The following VEPH1 variants were observed in gnomAD, a reference collection of about 807,000 sequenced individuals.
VEPH1 encodes ventricular zone expressed PH domain containing 1.
In VEPH1, 80 loss-of-function variants were observed where a neutral mutation model predicts 85.2. That is an observed-to-expected ratio of 0.94 (90% CI 0.78 to 1.13). The LOEUF (loss-of-function observed/expected upper bound fraction) is 1.13, where lower values mean the gene tolerates loss of function less well. VEPH1 is among the 50% of genes most tolerant of loss of function. The pLI, the probability that VEPH1 is intolerant of heterozygous loss-of-function variation, is 0.00. For synonymous variants in VEPH1, 297 were observed against 348.0 expected (o/e 0.85, Z 1.63); for missense variants, 955 against 980.5 (o/e 0.97, Z 0.35).
intron 9 of VEPH1, among the ~76,000 whole-genome samples, chr3:157,322,400 T>C (rs1721446981): frequency 6.6e-6 from 1 of 152,210 alleles, no homozygotes; most frequent in Admixed American, 6.5e-5. Context: ...TTGGCTACTG[T>C]GAATAATGCT....
chr3:157,362,092 G>A (rs1213041382), intron 9 of VEPH1, among the ~76,000 whole-genome samples: 1 of 151,904 alleles, frequency 6.6e-6, no homozygotes, highest in Non-Finnish European at 1.5e-5. Context: ...GTGCAGTGGT[G>A]CGATATCGGC....
chr3:157,344,590 GCC>G (rs1181108535), intron 9 of VEPH1, among the ~76,000 whole-genome samples: 1 of 152,112 alleles, frequency 6.6e-6, no homozygotes, highest in African/African-American at 2.4e-5. Flanking sequence ...CATGAAAATG[GCC>G]ATACTGCCCA....
chr3:157,365,424 C>T (rs1313431203), intron 7 of VEPH1, among the ~76,000 whole-genome samples: 1 of 152,150 alleles, frequency 6.6e-6, no homozygotes, highest in Admixed American at 6.5e-5. Context: ...ACTTTTGACA[C>T]CCAATATGTG....
chr3:157,502,862 A>G (rs911380940), intron 1 of VEPH1, among the ~76,000 whole-genome samples: 7 of 152,228 alleles, frequency 4.6e-5, no homozygotes, highest in African/African-American at 1.7e-4. Context: ...ATGATGCTAT[A>G]ATATTTAATT....
intron 12 of VEPH1, among the ~76,000 whole-genome samples, chr3:157,281,456 G>A (rs540359423): frequency 2.0e-5 from 3 of 152,228 alleles, no homozygotes; most frequent in Admixed American, 6.5e-5. Flanking sequence ...CACTTAGCAC[G>A]TAGGACAGTG....
chr3:157,265,380 C>G, intron 13 of VEPH1, 146 bp downstream of exon 13: 1 of 894,492 alleles, frequency 1.1e-6, no homozygotes, highest in Non-Finnish European at 1.6e-6. Flanking sequence ...AGACTAGACA[C>G]AGAAATGTGT....
In VEPH1 at chr3:157,425,757, G is replaced by A. The variant is rs191213277; in HGVS notation, c.696+2565C>T. ...GCTGAAATGAGTTAAAACTTTGGGG[G>A]ACTGCTGAGAAGGCATGGTTGGTTT... On this transcript the variant is annotated intron_variant, in intron 5 of 13. Coordinates refer to ENST00000362010, the MANE Select transcript of VEPH1 (RefSeq NM_001167912.2). 4.8e-3 allele frequency among the ~76,000 whole-genome samples: 729 copies of A among 152,256 alleles called. 3 individuals carry two copies. The highest frequency in any genetic ancestry group is 6.7e-3 in the Non-Finnish European group (454 of 68,014).
At chr3:157,308,911 T>C (rs1417198293) in intron 11 of VEPH1, among the ~76,000 whole-genome samples, 1 of 152,150 alleles carries the variant, frequency 6.6e-6, no homozygotes, top group Non-Finnish European at 1.5e-5. Flanking sequence ...AACTAATTGA[T>C]GTTAAATGAA....
At chr3:157,320,733 C>T (rs963110363) in intron 9 of VEPH1, among the ~76,000 whole-genome samples, 1 of 151,774 alleles carries the variant, frequency 6.6e-6, no homozygotes, top group Non-Finnish European at 1.5e-5. Context: ...AGTAATTATA[C>T]AATATAATGT....
intron 2 of VEPH1, among the ~76,000 whole-genome samples, chr3:157,476,338 G>C (rs1737473142): frequency 6.6e-6 from 1 of 152,356 alleles, no homozygotes; most frequent in African/African-American, 2.4e-5. Flanking sequence ...GATTGGGTTT[G>C]CTTTTTTTCT....
At chr3:157,405,087 A>G (rs1157601024) in intron 6 of VEPH1, among the ~76,000 whole-genome samples, 1 of 152,114 alleles carries the variant, frequency 6.6e-6, no homozygotes, top group Non-Finnish European at 1.5e-5. Context: ...CTCTGGAAGG[A>G]GGAAGATCAA....
chr3:157,421,580 T>C (rs2109077145), intron 5 of VEPH1, among the ~76,000 whole-genome samples: 1 of 152,338 alleles, frequency 6.6e-6, no homozygotes. Flanking sequence ...AGTAAACCCT[T>C]TCTCCACATT....
chr3:157,397,792 T>C (rs1014563582), intron 6 of VEPH1, among the ~76,000 whole-genome samples: 3 of 152,196 alleles, frequency 2.0e-5, no homozygotes, highest in Non-Finnish European at 4.4e-5. Context: ...GCCAAACCAT[T>C]GGCTACAGCC....
chr3:157,392,466 C>T (rs1729952118), intron 6 of VEPH1, among the ~76,000 whole-genome samples: 1 of 152,100 alleles, frequency 6.6e-6, no homozygotes, highest in Non-Finnish European at 1.5e-5. Flanking sequence ...TGTGGGAATT[C>T]AATATAAGAT....
At chr3:157,460,480 T>G in intron 3 of VEPH1, 125 bp from the exon 4 acceptor site, 5 of 1,205,784 alleles carry the variant, frequency 4.1e-6, no homozygotes, top group Non-Finnish European at 4.5e-6. Context: ...ACACAGGCCT[T>G]GCCCTGTTTA....
rs374535202 is a variant in VEPH1, at chr3:157,270,840, T to A, written c.2129-5178A>T. On this transcript the variant is annotated intron_variant, in intron 12 of 13. Transcript: ENST00000362010. ...ACAAATTCTACTGCTCAGTGTAGGG[T>A]TTGGCAAGTGCCACCGAGAAGTACA... is the stretch of plus-strand genomic sequence containing the variant. Among the ~76,000 whole-genome samples the A allele has an allele frequency of 7.6e-4, 116 of 151,780 alleles. 4 individuals are homozygous for A. In the South Asian group the frequency reaches 0.024, roughly 31 times the overall value.
At chr3:157,407,137 G>C (rs1401967930) in intron 6 of VEPH1, among the ~76,000 whole-genome samples, 1 of 152,088 alleles carries the variant, frequency 6.6e-6, no homozygotes, top group Non-Finnish European at 1.5e-5. Context: ...AATTAGGGAA[G>C]GAAATAATGA....
At position 157,363,453 on chromosome 3, in the gene VEPH1, A is replaced by T. The variant is rs757030647; in HGVS notation, c.1646T>A (p.Leu549Ter). The change falls in exon 9 of 14, where the codon TTG becomes TAG. Residue 549 changes from leucine (L) to a stop codon, truncating the protein, a stop_gained. Coordinates refer to ENST00000362010, the MANE Select transcript of VEPH1 (RefSeq NM_001167912.2). LOFTEE classifies it high-confidence loss of function. The stretch of plus-strand genomic sequence containing the variant: ...TTTGCTGAGGTTTTTTTTTAAGTGC[A>T]AGTAGAGCTTATCTTGGTATTCTAT... ...SPIEYQDKLY[L>*]HLKKNLSKVK... 3.7e-6 allele frequency: 6 copies of T among 1,613,810 alleles called. No homozygotes were observed. The highest frequency in any genetic ancestry group is 4.2e-6 in the Non-Finnish European group (5 of 1,179,962).
At chr3:157,337,814 T>C (rs1160677331) in intron 9 of VEPH1, among the ~76,000 whole-genome samples, 1 of 152,222 alleles carries the variant, frequency 6.6e-6, no homozygotes, top group Non-Finnish European at 1.5e-5. Flanking sequence ...AAGTTTATTT[T>C]ATACATAAAA....
Sources: gnomAD v4.1 joint callset for allele counts (sites outside exome capture counted in the v4.1 genomes callset) on GRCh38, gnomAD v4.1.1 for gene constraint, MANE v1.5 for transcripts, NCBI Gene and HGNC (gene_info 2026-07-23, HGNC 2026-07-21) for gene names.